Variants in TM7SF3 observed in about 807,000 individuals in gnomAD.
The protein encoded by TM7SF3 is seven span transmembrane protein.
TM7SF3 carries 60 observed loss-of-function variants against 65.5 expected under a neutral mutation model. That is an observed-to-expected ratio of 0.92 (90% confidence interval 0.74 to 1.14). TM7SF3 has a LOEUF of 1.14. Among genes scored for constraint, TM7SF3 ranks in the 50% most tolerant of loss-of-function variants. The pLI is 0.00. For missense variants in TM7SF3, 623 were observed against 684.8 expected, an observed-to-expected ratio of 0.91 and a Z score of 1.01; for synonymous variants, 264 against 259.6, an observed-to-expected ratio of 1.02 and a Z score of -0.16.
chr12:26,974,241 G>C lies in TM7SF3; in HGVS notation c.1451-14C>G, dbSNP rs373188766. 9.9e-6 allele frequency: 16 copies of C among 1,609,058 alleles called. No individual in the cohort carries two copies. Among genetic ancestry groups the C allele is most frequent in the Middle Eastern group, 3.3e-4 (2 of 6,020 alleles). Reference sequence around the variant, plus strand: ...GGATAATGAAGTCTAAAAAACAGTAGAAAAAGTACAGTTTGAACTCTAGTA... The same window carrying C: ...GGATAATGAAGTCTAAAAAACAGTACAAAAAGTACAGTTTGAACTCTAGTA... On this transcript the variant is annotated splice_polypyrimidine_tract_variant and intron_variant, in intron 11 of 11. Transcript: ENST00000343028.
chr12:26,986,103 C>T (rs942429431), intron 6 of TM7SF3, among the ~76,000 whole-genome samples: 2 of 151,852 alleles, frequency 1.3e-5, no homozygotes, highest in Non-Finnish European at 2.9e-5. Flanking sequence ...GCTGGGATTA[C>T]AGGCGTGAGC....
intron 2 of TM7SF3, among the ~76,000 whole-genome samples, chr12:27,001,221 A>G (rs1940818812): frequency 6.6e-6 from 1 of 152,162 alleles, no homozygotes; most frequent in Non-Finnish European, 1.5e-5. Flanking sequence ...ATCATCTTCT[A>G]AGTAATATAA....
chr12:26,989,973 T>C (rs765771963), intron 6 of TM7SF3, among the ~76,000 whole-genome samples: 2 of 152,152 alleles, frequency 1.3e-5, no homozygotes, highest in African/African-American at 2.4e-5. Flanking sequence ...CTCTACTTCC[T>C]TTGCCCTCCT....
chr12:26,976,404 T>C (rs757924584), intron 9 of TM7SF3, 47 bp from the exon 10 acceptor site: 1 of 1,334,512 alleles, frequency 7.5e-7, no homozygotes, highest in Non-Finnish European at 1.1e-6. Flanking sequence ...CTTTACCAAG[T>C]TAGAGTTGGT....
intron 11 of TM7SF3, among the ~76,000 whole-genome samples, chr12:26,975,078 ACT>A (rs72246790): frequency 0.076 from 11,557 of 151,940 alleles, 541 homozygotes; most frequent in East Asian, 0.14. Context: ...CTAATTAAAA[ACT>A]CTTTCAACTA....
intron 1 of TM7SF3, among the ~76,000 whole-genome samples, chr12:27,010,923 A>C (rs1941221007): frequency 6.6e-6 from 1 of 152,134 alleles, no homozygotes; most frequent in African/African-American, 2.4e-5. Flanking sequence ...CAACCATAAA[A>C]ATTTCCAACT....
chr12:26,991,201 G>A (rs578051440), intron 5 of TM7SF3, among the ~76,000 whole-genome samples: 2 of 143,848 alleles, frequency 1.4e-5, no homozygotes, highest in East Asian at 2.1e-4. Flanking sequence ...GCCGGACTGC[G>A]GACTGCAGTG....
chr12:26,977,618 G>A (rs1204944403), intron 9 of TM7SF3, among the ~76,000 whole-genome samples: 2 of 152,104 alleles, frequency 1.3e-5, no homozygotes, highest in Admixed American at 1.3e-4. Context: ...GCTGAGCATG[G>A]TAGTGTGTGC....
chr12:26,984,139 T>C (rs946196449), intron 6 of TM7SF3, among the ~76,000 whole-genome samples: 1 of 152,070 alleles, frequency 6.6e-6, no homozygotes, highest in African/African-American at 2.4e-5. Context: ...ATAAGAAAGA[T>C]TAAACAACAG....
chr12:26,997,530 C>T (rs1426885814), intron 3 of TM7SF3, among the ~76,000 whole-genome samples: 1 of 152,170 alleles, frequency 6.6e-6, no homozygotes, highest in Non-Finnish European at 1.5e-5. Context: ...TTAATTAAGT[C>T]TATGGTTTCT....
In TM7SF3 at chr12:26,990,473, C is replaced by G. The variant is rs1940301320; in HGVS notation, c.845G>C (p.Gly282Ala). The G allele has an allele frequency of 1.2e-6, 2 of 1,613,816 alleles. No individual in the cohort carries two copies. The highest frequency in any genetic ancestry group is 1.7e-6 in the Non-Finnish European group (2 of 1,179,892). Residue 282 changes from glycine (G) to alanine (A), a missense_variant, in exon 6 of 12, where the codon GGA becomes GCA. Coordinates refer to ENST00000343028, the MANE Select transcript of TM7SF3 (RefSeq NM_016551.3). Reference sequence around the variant, plus strand: ...ACCTAGGGAAGCACAACTACCCTCTCCTGCCTCAAAGCTGCAAGCGTATGT... The same window carrying G: ...ACCTAGGGAAGCACAACTACCCTCTGCTGCCTCAAAGCTGCAAGCGTATGT... ...AHTYACSFEA[G>A]EGSCASLGRV... is the part of the protein sequence containing the mutation.
At chr12:27,007,834 C>T (rs1941097450) in intron 1 of TM7SF3, among the ~76,000 whole-genome samples, 1 of 152,164 alleles carries the variant, frequency 6.6e-6, no homozygotes, top group East Asian at 1.9e-4. Context: ...ATTTACAGCA[C>T]AATTTTTGTG....
intron 8 of TM7SF3, 88 bp from the exon 9 acceptor site, chr12:26,980,024 G>A: frequency 6.7e-7 from 1 of 1,503,252 alleles, no homozygotes; most frequent in Non-Finnish European, 9.1e-7. Context: ...ACCAGTGCCA[G>A]CTTCAGCTTT....
chr12:26,995,129 C>CA, intron 5 of TM7SF3, 108 bp downstream of exon 5: 1 of 1,166,050 alleles, frequency 8.6e-7, no homozygotes, highest in Non-Finnish European at 1.2e-6. Flanking sequence ...GAGTGTCCCC[C>CA]AAAAAGGAGA....
At chr12:26,985,652 A>ATT in intron 6 of TM7SF3, among the ~76,000 whole-genome samples, 1 of 39,116 alleles carries the variant, frequency 2.6e-5, no homozygotes, top group African/African-American at 1.2e-4. Context: ...AAAAAAAAAA[A>ATT]ATATATATAT....
In TM7SF3 at chr12:27,014,144, C is replaced by G. The variant is rs1425912607; in HGVS notation, c.25G>C (p.Val9Leu). The change falls in exon 1 of 12, where the codon GTA becomes CTA. Residue 9 changes from valine to leucine, a missense_variant. Transcript: ENST00000343028. Reference protein sequence around the residue: MGFLQLLVVAVLASEHRVA... With the variant: MGFLQLLVLAVLASEHRVA... Reference sequence around the variant, plus strand: ...CGGTGTTCGGATGCCAGCACCGCTACGACCAGCAGCTGCAGGAACCCCATT... The same window carrying G: ...CGGTGTTCGGATGCCAGCACCGCTAGGACCAGCAGCTGCAGGAACCCCATT... 2 of 1,565,946 alleles carry G rather than the reference C, an allele frequency of 1.3e-6. No individual in the cohort carries two copies. The highest frequency in any genetic ancestry group is 1.7e-6 in the Non-Finnish European group (2 of 1,155,250).
intron 7 of TM7SF3, 150 bp downstream of exon 7, chr12:26,982,623 G>A (rs1939865332): frequency 5.7e-6 from 3 of 521,804 alleles, no homozygotes; most frequent in Non-Finnish European, 1.0e-5. Flanking sequence ...AAAATGCATT[G>A]CAACTCAGTA....
intron 5 of TM7SF3, among the ~76,000 whole-genome samples, chr12:26,991,442 G>A (rs1033147089): frequency 3.3e-5 from 5 of 152,166 alleles, no homozygotes; most frequent in African/African-American, 7.2e-5. Flanking sequence ...GTGAGCCACC[G>A]CGCCCGGCCA....
intron 1 of TM7SF3, among the ~76,000 whole-genome samples, chr12:27,011,109 T>C (rs987903704): frequency 1.3e-5 from 2 of 152,344 alleles, no homozygotes; most frequent in Admixed American, 6.5e-5. Flanking sequence ...CAATTTCTCA[T>C]TGTTATCTTC....
Sources: allele counts gnomAD v4.1 joint callset (sites outside exome capture counted in the v4.1 genomes callset), GRCh38; gene constraint gnomAD v4.1.1; transcripts MANE v1.5; gene names NCBI Gene and HGNC (gene_info 2026-07-23, HGNC 2026-07-21).